The following FHOD3 variants were observed in gnomAD, a reference collection of about 807,000 sequenced individuals.
The protein encoded by FHOD3 is formin homology 2 domain containing 3.
In FHOD3, 90 loss-of-function variants were observed where a neutral mutation model predicts 173.0. That is an observed-to-expected ratio of 0.52 (90% confidence interval 0.44 to 0.62). The LOEUF is 0.62. Ranked by LOEUF, FHOD3 falls within the 20% of genes least tolerant of loss-of-function variation. The pLI, the probability that FHOD3 is intolerant of heterozygous loss-of-function variation, is 0.00. For missense variants in FHOD3, 1,945 were observed against 2,034.7 expected (o/e 0.96, Z 0.85); for synonymous variants, 828 against 823.0 (o/e 1.01, Z -0.10).
chr18:36,539,047 AT>A (rs575167132), intron 5 of FHOD3, among the ~76,000 whole-genome samples: 22 of 152,374 alleles, frequency 1.4e-4, no homozygotes, highest in African/African-American at 5.0e-4. Context: ...ATATTTCAAC[AT>A]AAAAAGTAAA....
At chr18:36,364,667 G>A (rs1015139718) in intron 2 of FHOD3, among the ~76,000 whole-genome samples, 4 of 152,176 alleles carry the variant, frequency 2.6e-5, no homozygotes, top group African/African-American at 9.7e-5. Flanking sequence ...ACATTGTAGA[G>A]TGCCACATTG....
At chr18:36,638,905 A>G (rs2035081633) in intron 10 of FHOD3, among the ~76,000 whole-genome samples, 1 of 152,212 alleles carries the variant, frequency 6.6e-6, no homozygotes, top group Non-Finnish European at 1.5e-5. Flanking sequence ...AAAAACACAC[A>G]TGAGATTAGT....
chr18:36,422,377 A>G (rs1427909000), intron 3 of FHOD3, among the ~76,000 whole-genome samples: 1 of 152,192 alleles, frequency 6.6e-6, no homozygotes, highest in African/African-American at 2.4e-5. Context: ...TATGTAACCT[A>G]TCCCCTGTTG....
chr18:36,447,741 GTTAAGT>G (rs1568283702), intron 3 of FHOD3, among the ~76,000 whole-genome samples: 2 of 152,172 alleles, frequency 1.3e-5, no homozygotes, highest in Non-Finnish European at 2.9e-5. Context: ...ACTGCAACAG[GTTAAGT>G]TTAAGTACAT....
intron 14 of FHOD3, among the ~76,000 whole-genome samples, chr18:36,667,196 C>T (rs1372529544): frequency 6.6e-6 from 1 of 152,130 alleles, no homozygotes; most frequent in African/African-American, 2.4e-5. Context: ...CATGTGCTTT[C>T]ATTTCTCTTG....
intron 5 of FHOD3, among the ~76,000 whole-genome samples, chr18:36,550,434 C>T (rs561147119): frequency 1.3e-5 from 2 of 151,804 alleles, no homozygotes; most frequent in African/African-American, 2.4e-5. Flanking sequence ...AGGTCCTTTG[C>T]ATTTCCATAA....
chr18:36,404,626 T>C (rs1196046446), intron 3 of FHOD3, among the ~76,000 whole-genome samples: 1 of 152,146 alleles, frequency 6.6e-6, no homozygotes. Context: ...ATCCTGAATT[T>C]CTGACAAGCC....
intron 8 of FHOD3, among the ~76,000 whole-genome samples, chr18:36,603,539 T>C (rs2031680022): frequency 6.6e-6 from 1 of 152,000 alleles, no homozygotes; most frequent in Admixed American, 6.6e-5. Flanking sequence ...AGTCTCACTC[T>C]GTTGCCCAGG....
At chr18:36,609,424 G>A (rs1293405034) in intron 8 of FHOD3, among the ~76,000 whole-genome samples, 1 of 151,746 alleles carries the variant, frequency 6.6e-6, no homozygotes, top group East Asian at 1.9e-4. Flanking sequence ...GCTGGAAAAA[G>A]AAGCTGCATT....
chr18:36,709,360 G>A lies in FHOD3; in HGVS notation c.2502G>A (p.Lys834=). The A allele has an allele frequency of 1.2e-6, 2 of 1,614,108 alleles. No homozygotes were observed. Among genetic ancestry groups the A allele is most frequent in the South Asian group, 1.1e-5 (1 of 91,078 alleles). ...GCAGCACGTTGGAGAGGGAGGAGAA[G>A]GAGGACAAGCTCTCCAGGGACAGGA... is the stretch of plus-strand genomic sequence containing the variant. The part of the protein sequence containing the change: ...SSSSTLEREE[K]EDKLSRDRTT... The change falls in exon 18 of 29, where the codon AAG becomes AAA. Residue 834 remains lysine, a synonymous_variant. Transcript: ENST00000590592.
At chr18:36,725,055 G>T (rs956343546) in intron 19 of FHOD3, among the ~76,000 whole-genome samples, 1 of 152,178 alleles carries the variant, frequency 6.6e-6, no homozygotes, top group Non-Finnish European at 1.5e-5. Flanking sequence ...TCTCATGTCC[G>T]CCTTTTTGCT....
intron 5 of FHOD3, among the ~76,000 whole-genome samples, chr18:36,536,417 A>G (rs900254786): frequency 9.9e-5 from 15 of 152,248 alleles, no homozygotes; most frequent in African/African-American, 3.4e-4. Context: ...TGTCATTAAC[A>G]AAAATGGATT....
intron 5 of FHOD3, among the ~76,000 whole-genome samples, chr18:36,570,180 A>G (rs1157132585): frequency 6.6e-6 from 1 of 152,092 alleles, no homozygotes; most frequent in Non-Finnish European, 1.5e-5. Flanking sequence ...GAAGATATGC[A>G]TTGCTAACAT....
At chr18:36,771,876 A>G (rs1466065263) in intron 28 of FHOD3, among the ~76,000 whole-genome samples, 3 of 152,252 alleles carry the variant, frequency 2.0e-5, no homozygotes, top group African/African-American at 7.2e-5. Flanking sequence ...GACCTCAGAC[A>G]GGAGACAGCA....
chr18:36,589,157 A>G (rs2059131429), intron 6 of FHOD3, among the ~76,000 whole-genome samples: 1 of 152,204 alleles, frequency 6.6e-6, no homozygotes, highest in African/African-American at 2.4e-5. Context: ...TGAAATGTGT[A>G]ACAATTCACA....
At chr18:36,400,031 G>A (rs566784360) in intron 3 of FHOD3, among the ~76,000 whole-genome samples, 9 of 152,318 alleles carry the variant, frequency 5.9e-5, no homozygotes, top group African/African-American at 2.2e-4. Flanking sequence ...AGGGTGTGAG[G>A]TGTGGATCCT....
intron 4 of FHOD3, among the ~76,000 whole-genome samples, chr18:36,512,207 C>CT (rs2055696138): frequency 6.6e-6 from 1 of 152,208 alleles, no homozygotes; most frequent in Admixed American, 6.5e-5. Context: ...TTTGCCTTAT[C>CT]TTTATTAGAT....
intron 27 of FHOD3, among the ~76,000 whole-genome samples, chr18:36,764,642 C>A (rs1455509484): frequency 1.3e-5 from 2 of 152,084 alleles, no homozygotes; most frequent in African/African-American, 4.8e-5. Context: ...TATTCCTGAC[C>A]AGAAAGGATA....
intron 1 of FHOD3, among the ~76,000 whole-genome samples, chr18:36,316,243 A>AGTAT (rs2044114201): frequency 6.6e-6 from 1 of 152,218 alleles, no homozygotes; most frequent in African/African-American, 2.4e-5. Context: ...TATTCTAGGC[A>AGTAT]GTATTTGTCA....
Sources: gnomAD v4.1 joint callset for allele counts (sites outside exome capture counted in the v4.1 genomes callset) on GRCh38, gnomAD v4.1.1 for gene constraint, MANE v1.5 for transcripts, NCBI Gene and HGNC (gene_info 2026-07-23, HGNC 2026-07-21) for gene names.